Variants in SLC5A6 observed in about 807,000 individuals in gnomAD.
SLC5A6 encodes the protein sodium-dependent multivitamin transporter.
SLC5A6 carries 31 observed loss-of-function variants against 67.9 expected under a neutral mutation model. The ratio of observed to expected loss-of-function variants is 0.46; its 90% CI spans 0.34 to 0.62. SLC5A6 has a LOEUF of 0.62. Ranked by LOEUF, SLC5A6 falls within the 20% of genes least tolerant of loss-of-function variation. The probability of loss-of-function intolerance (pLI) is 0.01; values close to 1 mark genes in which losing one functional copy is unlikely to be tolerated. For synonymous variants in SLC5A6, 343 were observed against 331.0 expected, an observed-to-expected ratio of 1.04 and a Z score of -0.39; for missense variants, 673 against 812.8, an observed-to-expected ratio of 0.83 and a Z score of 2.09.
chr2:27,205,586 A>ACTTTG, intron 6 of SLC5A6, 82 bp from the exon 7 acceptor site: 2 of 1,533,746 alleles, frequency 1.3e-6, no homozygotes, highest in South Asian at 2.3e-5. Flanking sequence ...TTGTTGCTCC[A>ACTTTG]TTTTGTTTTG....
intron 12 of SLC5A6, among the ~76,000 whole-genome samples, 194 bp downstream of exon 12, chr2:27,202,619 A>G (rs1247203904): frequency 1.3e-5 from 2 of 151,594 alleles, no homozygotes; most frequent in Non-Finnish European, 2.9e-5. Context: ...CTCTCAGCCT[A>G]CAACATCCCA....
intron 5 of SLC5A6, 137 bp from the exon 6 acceptor site, chr2:27,206,230 G>T (rs1674053472): frequency 5.0e-6 from 4 of 806,746 alleles, no homozygotes; most frequent in Middle Eastern, 5.3e-4. Flanking sequence ...CCACAACGGA[G>T]AAAAATGTTT....
chr2:27,210,108 C>T (rs1170868251), intron 2 of SLC5A6, among the ~76,000 whole-genome samples: 1 of 152,126 alleles, frequency 6.6e-6, no homozygotes. Flanking sequence ...TGGCCAGAGA[C>T]AGGAAGGAAA....
chr2:27,209,096 G>A (rs1488749291), intron 2 of SLC5A6, among the ~76,000 whole-genome samples: 1 of 152,186 alleles, frequency 6.6e-6, no homozygotes, highest in Non-Finnish European at 1.5e-5. Flanking sequence ...CCCCACCACT[G>A]ACGATTTCAC....
chr2:27,210,389 CAACTAT>C (rs1321708509), intron 2 of SLC5A6, among the ~76,000 whole-genome samples: 1 of 151,976 alleles, frequency 6.6e-6, no homozygotes, highest in East Asian at 1.9e-4. Flanking sequence ...TGTTTCACTA[CAACTAT>C]AACATGCCAA....
rs1674503623 is a variant in SLC5A6 at position 27,211,548 on chromosome 2, A to T, written c.-207-15T>A. On this transcript the variant is annotated splice_polypyrimidine_tract_variant and intron_variant, in intron 1 of 16. Transcript: ENST00000310574. ...GCTCCCTTTTCCTGGGAAGGCAAAG[A>T]AAATGAGTTAGGGAAGCGTCTATCC... 1 of 152,602 alleles carries T rather than the reference A, an allele frequency of 6.6e-6. No homozygotes were observed. The highest frequency in any genetic ancestry group is 1.5e-5 in the Non-Finnish European group (1 of 68,178). The allele number at this position is 152,602 out of a possible 1,614,324, so 9.5% of individuals were successfully genotyped here.
At position 27,200,278 on chromosome 2, in the gene SLC5A6, C is replaced by T. The variant is rs1673516443; in HGVS notation, c.*158G>A. On this transcript the variant is annotated 3_prime_UTR_variant, in exon 17 of 17. Coordinates refer to ENST00000310574, the MANE Select transcript of SLC5A6 (RefSeq NM_021095.4). ...ACATGCTTGAGATGTGACAGCTTCT[C>T]CTGCAGGCAAGAACCTCTCAGAACA... The T allele has an allele frequency of 1.7e-6, 1 of 601,572 alleles. No individual in the cohort carries two copies. Among genetic ancestry groups the T allele is most frequent in the Non-Finnish European group, 2.7e-6 (1 of 374,688 alleles). 37.3% of individuals were successfully genotyped at this position (601,572 alleles called of 1,614,324 possible).
In SLC5A6 at chr2:27,203,320, A is replaced by G; in HGVS notation, c.1120T>C (p.Leu374=). The G allele has an allele frequency of 1.2e-6, 2 of 1,614,202 alleles. No homozygotes were observed. The highest frequency in any genetic ancestry group is 2.2e-5 in the South Asian group (2 of 91,074). ...AGGTCTTCCATCGTAACAGTTGCCA[A>G]TGAATTAAAAGCAGAGGATATAGTG... is the stretch of plus-strand genomic sequence containing the variant. ...LSTISSAFNS[L]ATVTMEDLIR... Residue 374 remains leucine, a synonymous_variant, in exon 11 of 17, where the codon TTG becomes CTG. Coordinates refer to ENST00000310574, the MANE Select transcript of SLC5A6 (RefSeq NM_021095.4).
In SLC5A6 at chr2:27,206,101, C is replaced by T. The variant is rs755372456; in HGVS notation, c.512-8G>A. On this transcript the variant is annotated splice_polypyrimidine_tract_variant and splice_region_variant and intron_variant, in intron 5 of 16. Coordinates refer to ENST00000310574, the MANE Select transcript of SLC5A6 (RefSeq NM_021095.4). Reference sequence around the variant, plus strand: ...ACAGATCAAAGCCAGTCACTGTAAGCATAGAAGCCACATTCTTATCCCTGG... The same window carrying T: ...ACAGATCAAAGCCAGTCACTGTAAGTATAGAAGCCACATTCTTATCCCTGG... 1 of 1,614,030 alleles carries T rather than the reference C, an allele frequency of 6.2e-7. No individual in the cohort carries two copies. The highest frequency in any genetic ancestry group is 8.5e-7 in the Non-Finnish European group (1 of 1,179,882).
In SLC5A6 at chr2:27,207,889, C is replaced by CAT; in HGVS notation, c.-140-101_-140-100dup. On this transcript the variant is annotated intron_variant, in intron 2 of 16. Coordinates refer to ENST00000310574, the MANE Select transcript of SLC5A6 (RefSeq NM_021095.4). This position sits in a 1 kb window ranked among gnomAD's most constrained non-coding sequence, Gnocchi z 5.5. ...ATGCCATCAGAAGTGGACCAGCCAGCATAGTGGTAGCCCTTCAAGGTCTAG... is the reference window on the plus strand; with the variant it reads ...ATGCCATCAGAAGTGGACCAGCCAGCATATAGTGGTAGCCCTTCAAGGTCTAG... The CAT allele has an allele frequency of 1.8e-6, 1 of 556,586 alleles. No homozygotes were observed. Among genetic ancestry groups the CAT allele is most frequent in the South Asian group, 2.4e-5 (1 of 41,252 alleles). The allele number at this position is 556,586 out of a possible 1,614,324, so 34.5% of individuals were successfully genotyped here. A position where few individuals can be genotyped will look rare whatever the true frequency, so the allele number is the denominator to read the frequency against.
chr2:27,206,954 G>GA lies in SLC5A6; in HGVS notation c.394-13dup, dbSNP rs753022433. The GA allele has an allele frequency of 1.4e-5, 22 of 1,609,834 alleles. No homozygotes were observed. In the South Asian group the frequency reaches 2.1e-4, roughly 15 times the overall value. ...CGAAGCTCCAGGTACTGGGTATACAGAAAAAAAGATTTTTCTCCTGACTTC... is the reference window on the plus strand; with the variant it reads ...CGAAGCTCCAGGTACTGGGTATACAGAAAAAAAAGATTTTTCTCCTGACTTC... On this transcript the variant is annotated splice_polypyrimidine_tract_variant and intron_variant, in intron 3 of 16. Coordinates refer to ENST00000310574, the MANE Select transcript of SLC5A6 (RefSeq NM_021095.4).
In SLC5A6 at chr2:27,201,007, G is replaced by A. The variant is rs151297921; in HGVS notation, c.1755C>T (p.Ser585=). ...LSCQKRLHCR[S]YGQDHLDTGL... is the part of the protein sequence containing the mutation. ...GGACAGCAGGTACTACCTGGCCGTA[G>A]CTCCTGCAGTGGAGCCGCTTCTGAC... Residue 585 remains serine, a synonymous_variant, in exon 16 of 17, where the codon AGC becomes AGT. Coordinates refer to ENST00000310574, the MANE Select transcript of SLC5A6 (RefSeq NM_021095.4). The A allele has an allele frequency of 8.0e-4, 1,291 of 1,609,384 alleles. 1 individual carries two copies. The highest frequency in any genetic ancestry group is 1.0e-3 in the Non-Finnish European group (1,215 of 1,176,364).
intron 4 of SLC5A6, 111 bp from the exon 5 acceptor site, chr2:27,206,645 C>T (rs1674089206): frequency 1.0e-5 from 11 of 1,052,416 alleles, no homozygotes; most frequent in Non-Finnish European, 1.5e-5. Flanking sequence ...CCTAGGCTCA[C>T]TTCCCTCTTC....
chr2:27,201,040 C>T lies in SLC5A6; in HGVS notation c.1722G>A (p.Pro574=), dbSNP rs61737378. 1.3e-3 allele frequency: 2,065 copies of T among 1,613,772 alleles called. 25 individuals carry two copies. In the African/African-American group the frequency reaches 0.022, roughly 17 times the overall value. The change falls in exon 16 of 17, where the codon CCG becomes CCA. Residue 574 remains proline (P), a synonymous_variant. Coordinates refer to ENST00000310574, the MANE Select transcript of SLC5A6 (RefSeq NM_021095.4). ...PVLPKLLSLL[P]LSCQKRLHCR... Reference sequence around the variant, plus strand: ...AGTGGAGCCGCTTCTGACAGGACAACGGAAGGAGGGACAGGAGCTTTGGCA... The same window carrying T: ...AGTGGAGCCGCTTCTGACAGGACAATGGAAGGAGGGACAGGAGCTTTGGCA...
At position 27,212,108 on chromosome 2, in the gene SLC5A6, C is replaced by A; in HGVS notation, c.-296G>T. ...ACACCGGGCTGAGGGAGTCTGCAGT[C>A]GGCTCCGGGAAGCCGCGCGGCGACG... is the stretch of plus-strand genomic sequence containing the variant. On this transcript the variant is annotated 5_prime_UTR_variant, in exon 1 of 17. Transcript: ENST00000310574. The A allele has an allele frequency of 1.4e-6, 2 of 1,477,042 alleles. No individual in the cohort carries two copies. The highest frequency in any genetic ancestry group is 2.6e-5 in the South Asian group (2 of 76,272). The allele number at this position is 1,477,042 out of a possible 1,614,324, so 91.5% of individuals were successfully genotyped here.
Position 27,202,871 on chromosome 2 carries a change from T to C in SLC5A6, c.1217A>G (p.Tyr406Cys), listed in dbSNP as rs764746478. ...IMLSRGLAFG[Y>C]GLLCLGMAYI... ...GGCCATTCCTAGACAAAGCAGCCCATAGCCAAAGGCTGGGGGAAAAGGACA... is the reference window on the plus strand; with the variant it reads ...GGCCATTCCTAGACAAAGCAGCCCACAGCCAAAGGCTGGGGGAAAAGGACA... The change falls in exon 12 of 17, where the codon TAT (tyrosine) becomes TGT (cysteine). Residue 406 changes from tyrosine to cysteine, a missense_variant. Physicochemically the swap from Tyr to Cys is radical, Grantham distance 194. Coordinates refer to ENST00000310574, the MANE Select transcript of SLC5A6 (RefSeq NM_021095.4). The C allele has an allele frequency of 1.2e-6, 2 of 1,613,868 alleles. No individual in the cohort carries two copies. The highest frequency in any genetic ancestry group is 1.7e-6 in the Non-Finnish European group (2 of 1,179,878).
intron 16 of SLC5A6, 49 bp from the exon 17 acceptor site, chr2:27,200,628 G>C: frequency 6.4e-7 from 1 of 1,563,884 alleles, no homozygotes; most frequent in Non-Finnish European, 8.7e-7. Flanking sequence ...CGGATGACGG[G>C]TGCTTGACAG....
rs1262574085 is a variant in SLC5A6, at chr2:27,205,508, C to A, written c.580-4G>T. The A allele has an allele frequency of 6.2e-7, 1 of 1,614,186 alleles. No individual in the cohort carries two copies. The highest frequency in any genetic ancestry group is 8.5e-7 in the Non-Finnish European group (1 of 1,180,018). Reference sequence around the variant, plus strand: ...AGATGACGGCCTTCAGCCCACCCTGCAAGGAAAGCACAGCAAACCTGCCAC... The same window carrying A: ...AGATGACGGCCTTCAGCCCACCCTGAAAGGAAAGCACAGCAAACCTGCCAC... On this transcript the variant is annotated splice_region_variant and splice_polypyrimidine_tract_variant and intron_variant, in intron 6 of 16. Transcript: ENST00000310574.
At chr2:27,206,431 G>A (rs1674069479) in intron 5 of SLC5A6, 52 bp downstream of exon 5, 1 of 1,548,678 alleles carries the variant, frequency 6.5e-7, no homozygotes, top group Non-Finnish European at 8.9e-7. Context: ...TCTCCCAAAG[G>A]TGCTTTCCTA....
Sources: allele counts gnomAD v4.1 joint callset (sites outside exome capture counted in the v4.1 genomes callset), GRCh38; gene constraint gnomAD v4.1.1; non-coding constraint Gnocchi (gnomAD v3.1); transcripts MANE v1.5; gene names NCBI Gene and HGNC (gene_info 2026-07-23, HGNC 2026-07-21).